The following TCF4 variants were observed in gnomAD, a reference collection of about 807,000 sequenced individuals.
The protein encoded by TCF4 is transcription factor 4.
Under a neutral mutation model 82.1 loss-of-function variants are expected in TCF4, and 3 were observed. The ratio of observed to expected loss-of-function variants is 0.04; its 90% CI spans 0.02 to 0.09. The LOEUF is 0.09. Ranked by LOEUF, TCF4 falls within the 10% of genes least tolerant of loss-of-function variation. TCF4 has a pLI of 1.00. For synonymous variants in TCF4, 276 were observed against 309.6 expected (o/e 0.89, Z 1.14); for missense variants, 518 against 852.7 (o/e 0.61, Z 4.89).
chr18:55,414,555 C>T (rs1044310485), intron 5 of TCF4, among the ~76,000 whole-genome samples: 8 of 152,112 alleles, frequency 5.3e-5, no homozygotes, highest in Non-Finnish European at 1.0e-4. Context: ...CTTATACAAA[C>T]TAAATTATTA....
chr18:55,323,167 G>C lies in TCF4; in HGVS notation c.549+27192C>G, dbSNP rs537380696. On this transcript the variant is annotated intron_variant, in intron 8 of 19. Transcript: ENST00000354452. ...AAAGAAAGAAAGGGAGGGATGTGGG[G>C]AGAGGAGATGGGCTGACTTGAGCTT... Among the ~76,000 whole-genome samples the C allele has an allele frequency of 3.9e-5, 6 of 152,274 alleles. No homozygotes were observed. In the East Asian group the frequency reaches 9.6e-4, roughly 24 times the overall value.
At position 55,362,426 on chromosome 18, in the gene TCF4, GAAGGAAGGAAAA is replaced by G. The variant is rs1569192087; in HGVS notation, c.370-11435_370-11424del. ...GGAAGGAAGGAAGGAAGGAAGGAAG[GAAGGAAGGAAAA>G]AAAAAAAGAAGAAAACATGTATCTG... On this transcript the variant is annotated intron_variant, in intron 6 of 19. Transcript: ENST00000354452. Among the ~76,000 whole-genome samples, 18 of 136,962 alleles carry G rather than the reference GAAGGAAGGAAAA, an allele frequency of 1.3e-4. 2 individuals are homozygous for G. Among genetic ancestry groups the G allele is most frequent in the African/African-American group, 2.5e-4 (9 of 36,494 alleles). 89.9% of individuals were successfully genotyped at this position (136,962 alleles called of 152,430 possible).
At chr18:55,598,584 A>G (rs1192515964) in intron 2 of TCF4, among the ~76,000 whole-genome samples, 1 of 152,200 alleles carries the variant, frequency 6.6e-6, no homozygotes, top group Non-Finnish European at 1.5e-5. Context: ...AGGTAAAAAG[A>G]AACTGAAGGC....
chr18:55,395,216 T>C (rs2146268901), intron 6 of TCF4, among the ~76,000 whole-genome samples: 1 of 152,328 alleles, frequency 6.6e-6, no homozygotes, highest in Non-Finnish European at 1.5e-5. Flanking sequence ...CTCTACATGA[T>C]ATGTAGATAC....
At chr18:55,573,689 G>A (rs536716762) in intron 3 of TCF4, among the ~76,000 whole-genome samples, 1 of 152,246 alleles carries the variant, frequency 6.6e-6, no homozygotes, top group African/African-American at 2.4e-5. Context: ...GCTGATCTCT[G>A]AGCCCTTCCT....
intron 8 of TCF4, among the ~76,000 whole-genome samples, chr18:55,304,308 G>A (rs990332225): frequency 2.8e-4 from 43 of 152,060 alleles, no homozygotes; most frequent in Admixed American, 2.0e-3. Context: ...AAAAATATAG[G>A]AATTCGATGT....
intron 11 of TCF4, among the ~76,000 whole-genome samples, chr18:55,262,873 C>T (rs1220348680): frequency 6.6e-6 from 1 of 152,194 alleles, no homozygotes; most frequent in Non-Finnish European, 1.5e-5. Context: ...GTGGCACAAT[C>T]TCGGCTCACT....
chr18:55,572,444 G>A (rs2097482403), intron 3 of TCF4, among the ~76,000 whole-genome samples: 1 of 152,086 alleles, frequency 6.6e-6, no homozygotes, highest in Admixed American at 6.6e-5. Flanking sequence ...GAGAGAGAGA[G>A]GTGGTCAACA....
chr18:55,426,001 G>A (rs534705431), intron 5 of TCF4, among the ~76,000 whole-genome samples: 1 of 151,950 alleles, frequency 6.6e-6, no homozygotes, highest in East Asian at 1.9e-4. Context: ...TCAAGACTAC[G>A]CAGAATAGCT....
Position 55,635,812 on chromosome 18 carries a change from A to G in TCF4, c.86T>C (p.Met29Thr), listed in dbSNP as rs748774594. ...TGGCTGGCTTTCAACTGCACCCTCC[A>G]TCTTTGAGTAATTTGTCAAAATGAT... The change falls in exon 1 of 21, where the codon ATG becomes ACG. Residue 29 changes from methionine to threonine, a missense_variant. Transcript: ENST00000398339. The G allele has an allele frequency of 1.6e-5, 25 of 1,555,494 alleles. No homozygotes were observed. The highest frequency in any genetic ancestry group is 2.2e-5 in the Non-Finnish European group (25 of 1,149,292).
chr18:55,546,047 C>T (rs549197064), intron 3 of TCF4, among the ~76,000 whole-genome samples: 4 of 152,202 alleles, frequency 2.6e-5, no homozygotes, highest in South Asian at 4.1e-4. Context: ...AAAATAGAGA[C>T]GTAAGTGCAG....
chr18:55,512,778 AT>A (rs1199744759), intron 3 of TCF4, among the ~76,000 whole-genome samples: 1 of 152,164 alleles, frequency 6.6e-6, no homozygotes, highest in Non-Finnish European at 1.5e-5. Context: ...GTGTTTAAAA[AT>A]TTTTCAAAAT....
At chr18:55,576,415 G>A (rs762904563) in intron 3 of TCF4, among the ~76,000 whole-genome samples, 11 of 152,206 alleles carry the variant, frequency 7.2e-5, no homozygotes, top group Admixed American at 2.0e-4. Context: ...CGAGTGAAAC[G>A]CAAACTCAGT....
At chr18:55,523,700 C>G (rs188739083) in intron 3 of TCF4, among the ~76,000 whole-genome samples, 2 of 150,860 alleles carry the variant, frequency 1.3e-5, no homozygotes, top group Admixed American at 1.3e-4. Flanking sequence ...CCAGGCAATA[C>G]AATCGACTGT....
At chr18:55,301,825 T>C (rs1555848758) in intron 8 of TCF4, among the ~76,000 whole-genome samples, 1 of 125,076 alleles carries the variant, frequency 8.0e-6, no homozygotes, top group Non-Finnish European at 1.7e-5. Context: ...GGGGGGGGAT[T>C]CGGGTGGGGG....
At chr18:55,467,480 C>T (rs1296245750) in intron 3 of TCF4, among the ~76,000 whole-genome samples, 1 of 152,138 alleles carries the variant, frequency 6.6e-6, no homozygotes, top group Non-Finnish European at 1.5e-5. Context: ...AACAGGTCCC[C>T]AGGTAACTTT....
intron 3 of TCF4, among the ~76,000 whole-genome samples, chr18:55,525,809 T>G (rs1164279016): frequency 6.6e-6 from 1 of 152,018 alleles, no homozygotes; most frequent in Admixed American, 6.6e-5. Flanking sequence ...GGAACCTAGG[T>G]GCTGGATATC....
In TCF4 at chr18:55,234,560, C is replaced by G; in HGVS notation, c.1474G>C (p.Asp492His). ...ATSPDLNPPQDPYRGMPPGLQ... is the reference protein window; with the variant it reads ...ATSPDLNPPQHPYRGMPPGLQ... Reference sequence around the variant, plus strand: ...GAGGCCAACCTACCTCTGTAAGGGTCCTGGGGTGGGTTCAGGTCAGGGGAA... The same window carrying G: ...GAGGCCAACCTACCTCTGTAAGGGTGCTGGGGTGGGTTCAGGTCAGGGGAA... The change falls in exon 16 of 20, where the codon GAC becomes CAC. Residue 492 changes from aspartate to histidine, a missense_variant. Coordinates refer to ENST00000354452, the MANE Select transcript of TCF4 (RefSeq NM_001083962.2). 6.2e-7 allele frequency: 1 copy of G among 1,614,068 alleles called. No homozygotes were observed. Among genetic ancestry groups the G allele is most frequent in the South Asian group, 1.1e-5 (1 of 91,076 alleles).
chr18:55,606,348 AC>A (rs2097702220), intron 2 of TCF4, among the ~76,000 whole-genome samples: 1 of 151,972 alleles, frequency 6.6e-6, no homozygotes, highest in African/African-American at 2.4e-5. Context: ...TTGCTCTTTT[AC>A]CCCTTTCTGT....
Sources: allele counts gnomAD v4.1 joint callset (sites outside exome capture counted in the v4.1 genomes callset), GRCh38; gene constraint gnomAD v4.1.1; transcripts MANE v1.5; gene names NCBI Gene and HGNC (gene_info 2026-07-23, HGNC 2026-07-21).